Variants in NRG1 observed in about 807,000 individuals in gnomAD.
NRG1 encodes the protein neuregulin 1.
In NRG1, 18 loss-of-function variants were observed where a neutral mutation model predicts 63.8. The ratio of observed to expected loss-of-function variants is 0.28; its 90% CI spans 0.19 to 0.42. The LOEUF is 0.42. Among genes scored for constraint, NRG1 ranks in the 10% least tolerant of loss-of-function variants. NRG1 has a pLI of 1.00. For missense variants in NRG1, 762 were observed against 814.7 expected, an observed-to-expected ratio of 0.94 and a Z score of 0.79; for synonymous variants, 302 against 301.3, an observed-to-expected ratio of 1.00 and a Z score of -0.02.
intron 1 of NRG1, among the ~76,000 whole-genome samples, chr8:32,453,825 C>T (rs1253504242): frequency 6.6e-6 from 1 of 152,170 alleles, no homozygotes; most frequent in Non-Finnish European, 1.5e-5. Flanking sequence ...CCCTTGCAAC[C>T]CATCCCCAGT....
At chr8:32,035,898 A>G (rs916425597) in intron 1 of NRG1, among the ~76,000 whole-genome samples, 3 of 151,660 alleles carry the variant, frequency 2.0e-5, no homozygotes, top group Non-Finnish European at 4.4e-5. Context: ...CCAGCTTTCC[A>G]TTCTTTTAGT....
At chr8:31,934,371 ATATC>A (rs1835114496) in intron 1 of NRG1, among the ~76,000 whole-genome samples, 1 of 147,844 alleles carries the variant, frequency 6.8e-6, no homozygotes, top group Non-Finnish European at 1.5e-5. Context: ...ATACATATAT[ATATC>A]TTTCTCCCCC....
intron 2 of NRG1, among the ~76,000 whole-genome samples, chr8:32,604,610 G>C (rs1261308176): frequency 1.3e-5 from 2 of 152,114 alleles, no homozygotes; most frequent in Non-Finnish European, 2.9e-5. Flanking sequence ...AGACTGGAGT[G>C]CAGTGACTCT....
At position 32,610,281 on chromosome 8, in the gene NRG1, G is replaced by T. The variant is rs553016889; in HGVS notation, c.401-4233G>T. ...TGTGATTCACTTAAATTCTCACACA[G>T]TTACTTTTTGTATGTTCCAACATGT... is the stretch of plus-strand genomic sequence containing the variant. On this transcript the variant is annotated intron_variant, in intron 3 of 11. Coordinates refer to ENST00000356819, the Ensembl canonical transcript of NRG1. Among the ~76,000 whole-genome samples the T allele has an allele frequency of 1.1e-4, 17 of 152,122 alleles. No homozygotes were observed. The East Asian group carries it at 3.1e-3, about 28-fold the overall frequency.
intron 1 of NRG1, among the ~76,000 whole-genome samples, chr8:32,521,695 A>G (rs1830361652): frequency 6.6e-6 from 1 of 152,222 alleles, no homozygotes; most frequent in Non-Finnish European, 1.5e-5. Context: ...ATTGAAACTG[A>G]GTGAAAATAT....
chr8:32,763,234 G>C, intron 11 of NRG1: 1 of 1,613,802 alleles, frequency 6.2e-7, no homozygotes, highest in South Asian at 1.1e-5. Flanking sequence ...CCTTATAGCT[G>C]AGCTAAGGAG....
chr8:32,204,375 T>C (rs1315771901), intron 1 of NRG1, among the ~76,000 whole-genome samples: 1 of 152,214 alleles, frequency 6.6e-6, no homozygotes, highest in Admixed American at 6.5e-5. Flanking sequence ...ATCGTTTTGT[T>C]TAGTTTGTGG....
intron 1 of NRG1, among the ~76,000 whole-genome samples, chr8:32,143,252 A>G (rs78282735): frequency 0.013 from 2,009 of 150,186 alleles, 18 homozygotes; most frequent in South Asian, 0.033. Context: ...TTGGGGGGGG[A>G]AGAAATAATT....
chr8:31,979,888 C>A (rs760119307), intron 1 of NRG1, among the ~76,000 whole-genome samples: 7 of 152,028 alleles, frequency 4.6e-5, no homozygotes, highest in Non-Finnish European at 1.0e-4. Flanking sequence ...TTTACAGCTT[C>A]CTCAGCATCT....
At chr8:32,397,901 G>C (rs2129484401) in intron 1 of NRG1, among the ~76,000 whole-genome samples, 1 of 152,202 alleles carries the variant, frequency 6.6e-6, no homozygotes, top group South Asian at 2.1e-4. Context: ...ATTATGTTTG[G>C]AAATAAAAGC....
intron 1 of NRG1, among the ~76,000 whole-genome samples, chr8:31,937,813 C>G (rs1801154716): frequency 6.6e-6 from 1 of 152,134 alleles, no homozygotes; most frequent in African/African-American, 2.4e-5. Context: ...GGGAATACAA[C>G]TTCATTAGAC....
intron 5 of NRG1, chr8:32,647,537 GT>G: frequency 1.0e-6 from 1 of 985,324 alleles, no homozygotes; most frequent in Non-Finnish European, 1.2e-6. Context: ...TGATTTTGTA[GT>G]TGCTAGGAGC....
chr8:32,222,574 A>G (rs888587637), intron 1 of NRG1, among the ~76,000 whole-genome samples: 5 of 152,214 alleles, frequency 3.3e-5, no homozygotes, highest in Non-Finnish European at 5.9e-5. Context: ...CACCCAGGGC[A>G]AGTCTATCTT....
At chr8:32,456,991 G>A (rs1489370259) in intron 1 of NRG1, among the ~76,000 whole-genome samples, 2 of 152,068 alleles carry the variant, frequency 1.3e-5, no homozygotes, top group African/African-American at 4.8e-5. Context: ...AATTAGCTGG[G>A]CGTGGTGGTG....
chr8:32,206,527 T>C (rs1439723922), intron 1 of NRG1, among the ~76,000 whole-genome samples: 1 of 152,236 alleles, frequency 6.6e-6, no homozygotes. Flanking sequence ...GAAGTTTTCT[T>C]ATTTAATCTT....
At chr8:31,691,341 C>T (rs1809480456) in intron 1 of NRG1, among the ~76,000 whole-genome samples, 1 of 152,128 alleles carries the variant, frequency 6.6e-6, no homozygotes. Flanking sequence ...GGCGCGGTGG[C>T]TCACGCCTGT....
intron 1 of NRG1, among the ~76,000 whole-genome samples, chr8:31,737,656 G>T (rs754645049): frequency 2.6e-5 from 4 of 152,088 alleles, no homozygotes; most frequent in Non-Finnish European, 5.9e-5. Flanking sequence ...GAATTTGAGG[G>T]TTAACTCATT....
At chr8:32,337,356 T>C (rs1440902274) in intron 1 of NRG1, among the ~76,000 whole-genome samples, 1 of 151,988 alleles carries the variant, frequency 6.6e-6, no homozygotes, top group East Asian at 1.9e-4. Context: ...CCAGGTGGGG[T>C]AGCAGAGAGG....
chr8:31,989,886 G>C (rs868431964), intron 1 of NRG1, among the ~76,000 whole-genome samples: 1 of 152,086 alleles, frequency 6.6e-6, no homozygotes, highest in African/African-American at 2.4e-5. Context: ...GTTGGACTTT[G>C]TGCTTATGTG....
Sources: gnomAD v4.1 joint callset for allele counts (sites outside exome capture counted in the v4.1 genomes callset) on GRCh38, gnomAD v4.1.1 for gene constraint, MANE v1.5 for transcripts, NCBI Gene and HGNC (gene_info 2026-07-23, HGNC 2026-07-21) for gene names.